Variants in FAM184B observed in about 807,000 individuals in gnomAD.
The protein encoded by FAM184B is protein FAM184B.
A neutral mutation model predicts 135.9 loss-of-function variants in FAM184B; 111 were observed. The ratio of observed to expected loss-of-function variants is 0.82; its 90% CI spans 0.70 to 0.96. The LOEUF is 0.96. FAM184B is among the 40% of genes least tolerant of loss of function. The probability of loss-of-function intolerance (pLI) is 0.00; values close to 1 mark genes in which losing one functional copy is unlikely to be tolerated. For missense variants in FAM184B, 1,375 were observed against 1,323.9 expected (o/e 1.04, Z -0.60); for synonymous variants, 552 against 524.8 (o/e 1.05, Z -0.71).
At position 17,659,975 on chromosome 4, in the gene FAM184B, C is replaced by A; in HGVS notation, c.1807G>T (p.Ala603Ser). The A allele has an allele frequency of 6.4e-7, 1 of 1,551,046 alleles. No homozygotes were observed. Among genetic ancestry groups the A allele is most frequent in the South Asian group, 1.2e-5 (1 of 84,014 alleles). The change falls in exon 9 of 18, where the codon GCC becomes TCC. Residue 603 changes from alanine (A) to serine (S), a missense_variant. Coordinates refer to ENST00000265018, the MANE Select transcript of FAM184B (RefSeq NM_015688.2). ...RLEEDWQSQKAKLQAQVSQMQ... is the reference protein window; with the variant it reads ...RLEEDWQSQKSKLQAQVSQMQ... ...TGTCCTACCTGGGCTTGCAATTTGG[C>A]CTTCTGGCTTTGCCAGTCCTCCTCT...
intron 15 of FAM184B, 38 bp from the exon 16 acceptor site, chr4:17,635,151 C>A: frequency 2.0e-6 from 3 of 1,469,920 alleles, no homozygotes; most frequent in Non-Finnish European, 2.8e-6. Flanking sequence ...ATGAGCCTAA[C>A]CACACAGCAC....
chr4:17,687,401 C>G (rs1317303632), intron 7 of FAM184B, among the ~76,000 whole-genome samples: 1 of 152,114 alleles, frequency 6.6e-6, no homozygotes, highest in African/African-American at 2.4e-5. Context: ...GGTACTCAAG[C>G]GCCCACTTCA....
chr4:17,775,632 G>A (rs116562378), intron 1 of FAM184B, among the ~76,000 whole-genome samples: 4,051 of 152,236 alleles, frequency 0.027, 174 homozygotes, highest in African/African-American at 0.091. Flanking sequence ...TTTTCTGGTC[G>A]GTATAGAATC....
rs1717078112 is a variant in FAM184B at position 17,705,142 on chromosome 4, T to G, written c.1235A>C (p.Lys412Thr). 6.4e-7 allele frequency: 1 copy of G among 1,551,750 alleles called. No individual in the cohort carries two copies. Among genetic ancestry groups the G allele is most frequent in the Non-Finnish European group, 8.7e-7 (1 of 1,147,042 alleles). Residue 412 changes from lysine to threonine, a missense_variant, in exon 5 of 18, where the codon AAA becomes ACA. Lys to Thr is a moderately conservative substitution (Grantham distance 78, BLOSUM62 -1). Transcript: ENST00000265018. ...MKQQYEEDLR[K>T]IKHQTEEEKK... Reference sequence around the variant, plus strand: ...CTCCTCTTCTGTCTGATGTTTGATTTTACGAAGGTCTTCTTCATATTGTTG... The same window carrying G: ...CTCCTCTTCTGTCTGATGTTTGATTGTACGAAGGTCTTCTTCATATTGTTG...
chr4:17,777,782 T>C (rs775854410), intron 1 of FAM184B, among the ~76,000 whole-genome samples: 37 of 152,114 alleles, frequency 2.4e-4, no homozygotes, highest in Admixed American at 3.9e-4. Context: ...TAGGAAGCAA[T>C]ATTGCAAGAG....
chr4:17,664,481 AGAAT>A, intron 8 of FAM184B, 77 bp downstream of exon 8: 2 of 1,113,784 alleles, frequency 1.8e-6, no homozygotes, highest in Non-Finnish European at 2.6e-6. Context: ...ACTTGAGGAT[AGAAT>A]GAATGAATGG....
At chr4:17,690,550 C>T (rs530717856) in intron 6 of FAM184B, among the ~76,000 whole-genome samples, 2 of 152,282 alleles carry the variant, frequency 1.3e-5, no homozygotes, top group South Asian at 2.1e-4. Context: ...TCCATGGCAA[C>T]GCTCTTGCAA....
rs1400104957 is a variant in FAM184B, at chr4:17,709,098, C to G, written c.688G>C (p.Glu230Gln). 1 of 1,549,576 alleles carries G rather than the reference C, an allele frequency of 6.5e-7. No individual in the cohort carries two copies. The highest frequency in any genetic ancestry group is 8.7e-7 in the Non-Finnish European group (1 of 1,146,962). The change falls in exon 2 of 18, where the codon GAG (glutamate) becomes CAG (glutamine). Residue 230 changes from glutamate (E) to glutamine (Q), a missense_variant. Physicochemically the swap from Glu to Gln is conservative, Grantham distance 29. Coordinates refer to ENST00000265018, the MANE Select transcript of FAM184B (RefSeq NM_015688.2). ...ELQATYEREN[E>Q]AIRQAMQQSV... ...TGCTGCATGGCCTGCCGGATGGCCT[C>G]GTTTTCCCTCTCGTAGGTGGCCTGC...
chr4:17,651,259 C>T (rs574061293), intron 11 of FAM184B, among the ~76,000 whole-genome samples: 7 of 152,152 alleles, frequency 4.6e-5, no homozygotes, highest in African/African-American at 9.6e-5. Context: ...CAGTCATGGC[C>T]GGGCGCAGTG....
At chr4:17,636,916 GA>G (rs1282845532) in intron 14 of FAM184B, among the ~76,000 whole-genome samples, 5 of 152,218 alleles carry the variant, frequency 3.3e-5, no homozygotes, top group Non-Finnish European at 7.3e-5. Context: ...AAGAGCCAGG[GA>G]TGCTGCTGGG....
intron 13 of FAM184B, among the ~76,000 whole-genome samples, chr4:17,640,637 T>C (rs1169660203): frequency 6.6e-6 from 1 of 152,170 alleles, no homozygotes; most frequent in Non-Finnish European, 1.5e-5. Context: ...AGCAATTTTA[T>C]GATTGGCATT....
At chr4:17,761,607 A>G (rs767443668) in intron 1 of FAM184B, among the ~76,000 whole-genome samples, 32 of 152,054 alleles carry the variant, frequency 2.1e-4, no homozygotes, top group Admixed American at 2.0e-4. Flanking sequence ...GCTTACTGCA[A>G]CCTTTGCCTC....
intron 17 of FAM184B, 169 bp from the exon 18 acceptor site, chr4:17,632,794 G>A (rs1348351401): frequency 5.6e-6 from 3 of 540,040 alleles, no homozygotes; most frequent in African/African-American, 1.9e-5. Flanking sequence ...GATGGGGCTG[G>A]GGAGGGAGTA....
rs553056068 is a variant in FAM184B at position 17,690,502 on chromosome 4, G to T, written c.1489-1971C>A. Among the ~76,000 whole-genome samples the T allele has an allele frequency of 6.6e-5, 10 of 152,268 alleles. No individual in the cohort carries two copies. In the South Asian group the frequency reaches 2.1e-3, roughly 32 times the overall value. On this transcript the variant is annotated intron_variant, in intron 6 of 17. Coordinates refer to ENST00000265018, the MANE Select transcript of FAM184B (RefSeq NM_015688.2). ...TTTGGATTTTAGAACATGAGTTCTG[G>T]GAGTAGCTGGCCTAGAGAGAACGTG...
chr4:17,738,462 A>G (rs1717957398), intron 1 of FAM184B, among the ~76,000 whole-genome samples: 1 of 152,152 alleles, frequency 6.6e-6, no homozygotes, highest in African/African-American at 2.4e-5. Flanking sequence ...AATGGTGCCT[A>G]CATACAATGT....
intron 1 of FAM184B, among the ~76,000 whole-genome samples, chr4:17,715,498 C>CA (rs1030460836): frequency 8.6e-5 from 13 of 150,936 alleles, no homozygotes; most frequent in East Asian, 3.9e-4. Flanking sequence ...CAAAAACAAA[C>CA]AAAAAAAATG....
intron 1 of FAM184B, among the ~76,000 whole-genome samples, chr4:17,767,427 A>C (rs1368557911): frequency 6.6e-6 from 1 of 152,226 alleles, no homozygotes; most frequent in Non-Finnish European, 1.5e-5. Context: ...AAACAGGAAA[A>C]ACTCAATAAA....
intron 1 of FAM184B, among the ~76,000 whole-genome samples, chr4:17,715,792 G>C (rs940071168): frequency 3.3e-5 from 5 of 151,214 alleles, no homozygotes; most frequent in African/African-American, 1.2e-4. Context: ...AAAAAAAAGA[G>C]ATTTCTTATT....
chr4:17,661,181 G>A (rs905927348), intron 8 of FAM184B, among the ~76,000 whole-genome samples: 4 of 152,166 alleles, frequency 2.6e-5, no homozygotes, highest in African/African-American at 9.7e-5. Flanking sequence ...TAATAATGCT[G>A]CCTTTTCCAT....
Sources: gnomAD v4.1 joint callset for allele counts (sites outside exome capture counted in the v4.1 genomes callset) on GRCh38, gnomAD v4.1.1 for gene constraint, MANE v1.5 for transcripts, NCBI Gene and HGNC (gene_info 2026-07-23, HGNC 2026-07-21) for gene names.